The following ADNP variants were observed in gnomAD, a reference collection of about 807,000 sequenced individuals.
ADNP encodes activity-dependent neuroprotector homeobox protein.
A neutral mutation model predicts 84.9 loss-of-function variants in ADNP; 4 were observed. That is an observed-to-expected ratio of 0.05 (90% CI 0.02 to 0.11). ADNP has a LOEUF of 0.11. Among genes scored for constraint, ADNP ranks in the 10% least tolerant of loss-of-function variants. The probability of loss-of-function intolerance (pLI) is 1.00; values close to 1 mark genes in which losing one functional copy is unlikely to be tolerated. For missense variants in ADNP, 1,132 were observed against 1,326.0 expected, an observed-to-expected ratio of 0.85 and a Z score of 2.27; for synonymous variants, 554 against 468.1, an observed-to-expected ratio of 1.18 and a Z score of -2.37.
intron 2 of ADNP, chr20:50,913,995 A>T: frequency 1.3e-6 from 1 of 750,794 alleles, no homozygotes; most frequent in Non-Finnish European, 2.5e-6. Context: ...AGACTGTAAA[A>T]GCCCTTCTGG....
At chr20:50,928,600 T>G (rs1407891682) in intron 2 of ADNP, 51 bp downstream of exon 2, 2 of 152,224 alleles carry the variant, frequency 1.3e-5, no homozygotes, top group African/African-American at 4.8e-5. Flanking sequence ...GAAGGAAGTC[T>G]CTGGCTTCCC....
At position 50,922,871 on chromosome 20, in the gene ADNP, C is replaced by T. The variant is rs944233115; in HGVS notation, c.-90+5780G>A. Among the ~76,000 whole-genome samples, 15 of 152,144 alleles carry T rather than the reference C, an allele frequency of 9.9e-5. No homozygotes were observed. In the East Asian group the frequency reaches 2.9e-3, roughly 29 times the overall value. On this transcript the variant is annotated intron_variant, in intron 2 of 5. Coordinates refer to ENST00000621696, the MANE Select transcript of ADNP (RefSeq NM_001282531.3). Reference sequence around the variant, plus strand: ...TGCTGGGATTACAGGCGTGAGCCACCGCGCCTGGCCCTCCTGGGTTTTTAT... The same window carrying T: ...TGCTGGGATTACAGGCGTGAGCCACTGCGCCTGGCCCTCCTGGGTTTTTAT...
chr20:50,888,999 A>C lies in ADNP; in HGVS notation c.*2406T>G, dbSNP rs1481978468. On this transcript the variant is annotated 3_prime_UTR_variant, in exon 6 of 6. Transcript: ENST00000621696. Reference sequence around the variant, plus strand: ...TCTAATTAGGTGGCAGCACGTTGCCATAGCCAACGATCTCCAGATTATTTG... The same window carrying C: ...TCTAATTAGGTGGCAGCACGTTGCCCTAGCCAACGATCTCCAGATTATTTG... 1 of 152,222 alleles carries C rather than the reference A, an allele frequency of 6.6e-6. No individual in the cohort carries two copies. The highest frequency in any genetic ancestry group is 1.5e-5 in the Non-Finnish European group (1 of 68,048). 9.4% of individuals were successfully genotyped at this position (152,222 alleles called of 1,614,324 possible).
At chr20:50,896,554 C>T (rs1028100412) in intron 5 of ADNP, among the ~76,000 whole-genome samples, 5 of 151,706 alleles carry the variant, frequency 3.3e-5, no homozygotes, top group Admixed American at 2.6e-4. Flanking sequence ...AGCAAGACCC[C>T]GTCTCAAAAA....
chr20:50,917,029 C>T (rs531746964), intron 2 of ADNP, among the ~76,000 whole-genome samples: 1 of 152,330 alleles, frequency 6.6e-6, no homozygotes, highest in African/African-American at 2.4e-5. Flanking sequence ...CTAAACTCTT[C>T]TCATCCTACA....
At chr20:50,908,898 G>C (rs539000512) in intron 2 of ADNP, among the ~76,000 whole-genome samples, 4 of 151,982 alleles carry the variant, frequency 2.6e-5, no homozygotes, top group Non-Finnish European at 4.4e-5. Flanking sequence ...TGAAATTCAA[G>C]GCCCTTTCCT....
At position 50,894,237 on chromosome 20, in the gene ADNP, A is replaced by G. The variant is rs966355733; in HGVS notation, c.477T>C (p.Ser159=). Residue 159 remains serine, a synonymous_variant, in exon 6 of 6, where the codon AGT becomes AGC. Coordinates refer to ENST00000621696, the MANE Select transcript of ADNP (RefSeq NM_001282531.3). ...NDGLKPKQAD[S]VEQAVYYCKK... is the part of the protein sequence containing the mutation. ...TACAGTAATAAACAGCTTGCTCTAC[A>G]CTGTCAGCCTGCTTAGGTTTAAGGC... 2 of 1,613,924 alleles carry G rather than the reference A, an allele frequency of 1.2e-6. No homozygotes were observed. Among genetic ancestry groups the G allele is most frequent in the African/African-American group, 1.3e-5 (1 of 74,862 alleles).
chr20:50,916,912 G>C (rs1034709983), intron 2 of ADNP, among the ~76,000 whole-genome samples: 2 of 152,268 alleles, frequency 1.3e-5, no homozygotes, highest in South Asian at 2.1e-4. Context: ...GCAGGCCTTA[G>C]GAAAGTCAAA....
chr20:50,889,516 C>T lies in ADNP; in HGVS notation c.*1889G>A, dbSNP rs1980426730. On this transcript the variant is annotated 3_prime_UTR_variant, in exon 6 of 6. Coordinates refer to ENST00000621696, the MANE Select transcript of ADNP (RefSeq NM_001282531.3). The stretch of plus-strand genomic sequence containing the variant: ...TTCTAGTCTACTCTTGCACTTCTTC[C>T]TGTACTGTTGTTGAGAAGCTTACAT... 1 of 196,766 alleles carries T rather than the reference C, an allele frequency of 5.1e-6. No individual in the cohort carries two copies. Among genetic ancestry groups the T allele is most frequent in the East Asian group, 1.1e-4 (1 of 9,022 alleles). 12.2% of individuals were successfully genotyped at this position (196,766 alleles called of 1,614,324 possible).
At chr20:50,929,761 A>C (rs908043602) in intron 1 of ADNP, among the ~76,000 whole-genome samples, 1 of 152,204 alleles carries the variant, frequency 6.6e-6, no homozygotes, top group Admixed American at 6.5e-5. Context: ...CAGGCACAAG[A>C]AGCATCAGGG....
intron 2 of ADNP, among the ~76,000 whole-genome samples, chr20:50,917,439 T>C (rs990643205): frequency 6.6e-6 from 1 of 152,226 alleles, no homozygotes. Flanking sequence ...AGAATCTCTT[T>C]CTATGCAAAT....
chr20:50,918,040 G>C (rs1983646606), intron 2 of ADNP, among the ~76,000 whole-genome samples: 2 of 152,250 alleles, frequency 1.3e-5, no homozygotes, highest in Middle Eastern at 3.4e-3. Flanking sequence ...GGTTGCCAGG[G>C]GCTGGGTAAA....
At chr20:50,919,824 G>A (rs1983817780) in intron 2 of ADNP, among the ~76,000 whole-genome samples, 2 of 152,158 alleles carry the variant, frequency 1.3e-5, no homozygotes, top group Admixed American at 1.3e-4. Context: ...GCTATGTCAA[G>A]CTTCTGAGTA....
Position 50,892,766 on chromosome 20 carries a change from T to C in ADNP, c.1948A>G (p.Ile650Val). 1 of 1,614,248 alleles carries C rather than the reference T, an allele frequency of 6.2e-7. No individual in the cohort carries two copies. Among genetic ancestry groups the C allele is most frequent in the Non-Finnish European group, 8.5e-7 (1 of 1,180,042 alleles). Residue 650 changes from isoleucine (I) to valine (V), a missense_variant, in exon 6 of 6, where the codon ATT (isoleucine) becomes GTT (valine). By Grantham distance (29) the Ile-to-Val change is conservative. Coordinates refer to ENST00000621696, the MANE Select transcript of ADNP (RefSeq NM_001282531.3). The stretch of plus-strand genomic sequence containing the variant: ...TTCTCAACTGGATGAACCGTCTGAA[T>C]AACTTGGTGCCTCTCTCGTAAGTGA... ...AHHLRERHQV[I>V]QTVHPVEKKL...
chr20:50,900,846 G>C (rs556608282), intron 5 of ADNP, among the ~76,000 whole-genome samples: 51 of 152,284 alleles, frequency 3.3e-4, no homozygotes, highest in African/African-American at 1.2e-3. Flanking sequence ...AGACTGATTT[G>C]AAAAGTTGGC....
At chr20:50,913,873 CCATA>C (rs1983286141) in intron 2 of ADNP, 1 of 597,446 alleles carries the variant, frequency 1.7e-6, no homozygotes, top group Admixed American at 2.3e-5. Flanking sequence ...GCATGCTCAG[CCATA>C]CATACATAAA....
intron 4 of ADNP, among the ~76,000 whole-genome samples, chr20:50,903,300 A>G (rs1310223953): frequency 6.6e-6 from 1 of 152,206 alleles, no homozygotes; most frequent in Non-Finnish European, 1.5e-5. Flanking sequence ...AAGCTCATAG[A>G]ATAAAACAGC....
chr20:50,922,578 GTTTT>G (rs58775431), intron 2 of ADNP, among the ~76,000 whole-genome samples: 3 of 125,494 alleles, frequency 2.4e-5, no homozygotes, highest in Non-Finnish European at 5.0e-5. Flanking sequence ...GTCCTCCTGC[GTTTT>G]TTTTTTTTTT....
chr20:50,925,921 C>T (rs916553232), intron 2 of ADNP, among the ~76,000 whole-genome samples: 8 of 152,130 alleles, frequency 5.3e-5, no homozygotes, highest in South Asian at 2.1e-4. Context: ...GCCAACATGG[C>T]GAAATCCCAT....
Sources: gnomAD v4.1 joint callset for allele counts (sites outside exome capture counted in the v4.1 genomes callset) on GRCh38, gnomAD v4.1.1 for gene constraint, MANE v1.5 for transcripts, NCBI Gene and HGNC (gene_info 2026-07-23, HGNC 2026-07-21) for gene names.